The following L3MBTL3 variants were observed in gnomAD, a reference collection of about 807,000 sequenced individuals.
L3MBTL3 encodes the protein lethal(3)malignant brain tumor-like protein 3.
Under a neutral mutation model 102.3 loss-of-function variants are expected in L3MBTL3, and 27 were observed. That is an observed-to-expected ratio of 0.26 (90% CI 0.19 to 0.36). The LOEUF (loss-of-function observed/expected upper bound fraction) is 0.36, where lower values mean the gene tolerates loss of function less well. L3MBTL3 is among the 10% of genes least tolerant of loss of function. The probability of loss-of-function intolerance (pLI) is 1.00; values close to 1 mark genes in which losing one functional copy is unlikely to be tolerated. For synonymous variants in L3MBTL3, 340 were observed against 320.9 expected (o/e 1.06, Z -0.64); for missense variants, 798 against 955.3 (o/e 0.84, Z 2.17).
intron 16 of L3MBTL3, among the ~76,000 whole-genome samples, chr6:130,091,595 G>A (rs1784053972): frequency 6.6e-6 from 1 of 152,044 alleles, no homozygotes; most frequent in Admixed American, 6.6e-5. Flanking sequence ...CTAAGATATG[G>A]AAGGAACCTA....
chr6:130,038,308 G>T (rs973475486), intron 2 of L3MBTL3, among the ~76,000 whole-genome samples: 1 of 151,720 alleles, frequency 6.6e-6, no homozygotes, highest in Non-Finnish European at 1.5e-5. Context: ...TGGATCATAT[G>T]GTATTTCTAT....
chr6:130,122,260 C>T (rs997359500), intron 20 of L3MBTL3, among the ~76,000 whole-genome samples: 6 of 152,198 alleles, frequency 3.9e-5, no homozygotes, highest in Non-Finnish European at 8.8e-5. Context: ...TGACCTATTT[C>T]ATAAGTGATG....
At chr6:130,057,557 A>AT in intron 9 of L3MBTL3, 60 bp downstream of exon 9, 1 of 1,283,692 alleles carries the variant, frequency 7.8e-7, no homozygotes, top group South Asian at 1.3e-5. Context: ...ACCAGCCTGA[A>AT]TTACGATTGT....
chr6:130,046,088 C>T (rs770724630), intron 3 of L3MBTL3, among the ~76,000 whole-genome samples: 4 of 152,170 alleles, frequency 2.6e-5, no homozygotes, highest in African/African-American at 4.8e-5. Context: ...TGAGCAGTTT[C>T]CCTACCTGAA....
chr6:130,132,306 A>G (rs993098102), intron 20 of L3MBTL3, among the ~76,000 whole-genome samples: 1 of 152,176 alleles, frequency 6.6e-6, no homozygotes, highest in African/African-American at 2.4e-5. Flanking sequence ...AAATGAATCT[A>G]TGGTGTTAGT....
At chr6:130,084,318 A>G (rs1562296624) in intron 15 of L3MBTL3, among the ~76,000 whole-genome samples, 1 of 152,178 alleles carries the variant, frequency 6.6e-6, no homozygotes, top group Non-Finnish European at 1.5e-5. Context: ...TTTATGATTT[A>G]GATTTCTCAT....
chr6:130,114,978 G>C (rs546515436), intron 19 of L3MBTL3, among the ~76,000 whole-genome samples: 1 of 151,798 alleles, frequency 6.6e-6, no homozygotes, highest in African/African-American at 2.4e-5. Context: ...TTTCTTTAGA[G>C]AATGTGGAGA....
chr6:130,094,416 C>A (rs904521747), intron 18 of L3MBTL3, 49 bp downstream of exon 18: 2 of 1,195,640 alleles, frequency 1.7e-6, no homozygotes, highest in Middle Eastern at 2.0e-4. Context: ...GTTCCATATA[C>A]ATGTATATAT....
chr6:130,121,754 T>G (rs1786226099), intron 20 of L3MBTL3, among the ~76,000 whole-genome samples: 1 of 152,206 alleles, frequency 6.6e-6, no homozygotes, highest in Non-Finnish European at 1.5e-5. Context: ...TTTTAAGTTG[T>G]ATTGGAGGAA....
At position 130,133,951 on chromosome 6, in the gene L3MBTL3, G is replaced by A. The variant is rs1467118919; in HGVS notation, c.2199+46G>A. On this transcript the variant is annotated intron_variant, in intron 22 of 22. Transcript: ENST00000361794. This position sits in a 1 kb window ranked among gnomAD's most constrained non-coding sequence, Gnocchi z 4.9. ...CAATATGTTACTTAATGGGATCAAA[G>A]CACTGAAATGCAGTGGAAGGTGAAA... The A allele has an allele frequency of 3.5e-6, 5 of 1,417,342 alleles. No homozygotes were observed. The East Asian group carries it at 6.8e-5, about 19-fold the overall frequency. 87.8% of individuals were successfully genotyped at this position (1,417,342 alleles called of 1,614,324 possible). A position where few individuals can be genotyped will look rare whatever the true frequency, so the allele number is the denominator to read the frequency against.
intron 10 of L3MBTL3, among the ~76,000 whole-genome samples, chr6:130,064,429 A>T (rs1002533326): frequency 1.3e-5 from 2 of 152,024 alleles, no homozygotes; most frequent in Admixed American, 6.6e-5. Flanking sequence ...CTTGTTGGGG[A>T]CTAGATTCAT....
intron 19 of L3MBTL3, among the ~76,000 whole-genome samples, chr6:130,118,669 A>G (rs1261604214): frequency 5.9e-5 from 9 of 152,222 alleles, no homozygotes; most frequent in Non-Finnish European, 1.0e-4. Flanking sequence ...GTAAAAATAC[A>G]TATCTGTGTT....
At chr6:130,066,810 G>A (rs1043696400) in intron 11 of L3MBTL3, among the ~76,000 whole-genome samples, 6 of 152,138 alleles carry the variant, frequency 3.9e-5, no homozygotes, top group African/African-American at 1.2e-4. Context: ...TGAAAAATTA[G>A]TTTAAATTAG....
At chr6:130,099,505 G>C (rs1339888044) in intron 18 of L3MBTL3, among the ~76,000 whole-genome samples, 1 of 152,084 alleles carries the variant, frequency 6.6e-6, no homozygotes, top group Admixed American at 6.6e-5. Flanking sequence ...TTTTGTATCT[G>C]TACATAACAG....
intron 16 of L3MBTL3, among the ~76,000 whole-genome samples, chr6:130,089,638 C>T (rs1018455418): frequency 1.3e-5 from 2 of 152,100 alleles, no homozygotes; most frequent in Admixed American, 6.6e-5. Context: ...TGAGGAATCG[C>T]CACACTGTCT....
chr6:130,070,832 T>A, intron 12 of L3MBTL3, 144 bp from the exon 13 acceptor site: 2 of 168,732 alleles, frequency 1.2e-5, no homozygotes, highest in East Asian at 3.4e-4. Context: ...AAAGCGACCC[T>A]GCTGTGAAAC....
At chr6:130,051,169 A>G in intron 5 of L3MBTL3, 80 bp from the exon 6 acceptor site, 1 of 1,195,392 alleles carries the variant, frequency 8.4e-7, no homozygotes, top group East Asian at 2.4e-5. Flanking sequence ...TAACAAAATT[A>G]TTAGAAGAAA....
chr6:130,127,802 T>G (rs527252127), intron 20 of L3MBTL3, among the ~76,000 whole-genome samples: 3,216 of 151,666 alleles, frequency 0.021, 113 homozygotes, highest in African/African-American at 0.074. Flanking sequence ...CATTTTTTTG[T>G]TTTTTTTAGT....
At chr6:130,030,208 C>T (rs1779622869) in intron 2 of L3MBTL3, among the ~76,000 whole-genome samples, 1 of 151,426 alleles carries the variant, frequency 6.6e-6, no homozygotes, top group Admixed American at 6.6e-5. Flanking sequence ...CAAGCATTCA[C>T]TGTGTGCAAA....
Sources: allele counts gnomAD v4.1 joint callset (sites outside exome capture counted in the v4.1 genomes callset), GRCh38; gene constraint gnomAD v4.1.1; non-coding constraint Gnocchi (gnomAD v3.1); transcripts MANE v1.5; gene names NCBI Gene and HGNC (gene_info 2026-07-23, HGNC 2026-07-21).